Variants in SLC12A1 observed in about 807,000 individuals in gnomAD.
SLC12A1 encodes solute carrier family 12 member 1.
SLC12A1 carries 89 observed loss-of-function variants against 130.4 expected under a neutral mutation model. The ratio of observed to expected loss-of-function variants is 0.68; its 90% CI spans 0.58 to 0.81. The LOEUF is 0.81. Ranked by LOEUF, SLC12A1 falls within the 40% of genes least tolerant of loss-of-function variation. SLC12A1 has a pLI of 0.00. For synonymous variants in SLC12A1, 499 were observed against 460.0 expected (o/e 1.08, Z -1.09); for missense variants, 1,310 against 1,336.4 (o/e 0.98, Z 0.31).
chr15:48,284,696 G>A (rs2042039429), intron 20 of SLC12A1, among the ~76,000 whole-genome samples: 1 of 152,180 alleles, frequency 6.6e-6, no homozygotes, highest in Admixed American at 6.5e-5. Flanking sequence ...CTGCAGTGCA[G>A]TGGCATGATC....
intron 13 of SLC12A1, among the ~76,000 whole-genome samples, chr15:48,247,957 C>T (rs1205078229): frequency 1.3e-5 from 2 of 152,184 alleles, no homozygotes. Context: ...TCAAGAGATT[C>T]GTAGACCACT....
chr15:48,219,010 C>T (rs932814206), intron 2 of SLC12A1, among the ~76,000 whole-genome samples: 3 of 152,200 alleles, frequency 2.0e-5, no homozygotes, highest in African/African-American at 7.2e-5. Context: ...AAAATGAGGC[C>T]ACAGGAAAAA....
chr15:48,253,268 C>T (rs2041668375), intron 15 of SLC12A1, among the ~76,000 whole-genome samples: 1 of 152,208 alleles, frequency 6.6e-6, no homozygotes, highest in South Asian at 2.1e-4. Flanking sequence ...CAAACTCGTA[C>T]AGTGCTGTAA....
intron 21 of SLC12A1, among the ~76,000 whole-genome samples, chr15:48,285,795 G>A (rs1410652683): frequency 1.3e-5 from 2 of 152,332 alleles, no homozygotes; most frequent in East Asian, 1.9e-4. Context: ...CTTATGGTAT[G>A]CAGTCCTGGG....
chr15:48,251,759 G>T lies in SLC12A1; in HGVS notation c.1931G>T (p.Cys644Phe). ...TTCTTCCTTTACGTCTATGTGACTTGTAAGAAGCCAGGTAAGATAATGACT... is the reference window on the plus strand; with the variant it reads ...TTCTTCCTTTACGTCTATGTGACTTTTAAGAAGCCAGGTAAGATAATGACT... ...IEFFLYVYVTCKKPDVNWGSS... is the reference protein window; with the variant it reads ...IEFFLYVYVTFKKPDVNWGSS... The change falls in exon 15 of 27, where the codon TGT becomes TTT. Residue 644 changes from cysteine to phenylalanine, a missense_variant. Coordinates refer to ENST00000380993, the MANE Select transcript of SLC12A1 (RefSeq NM_000338.3). 1 of 1,613,794 alleles carries T rather than the reference G, an allele frequency of 6.2e-7. No homozygotes were observed. Among genetic ancestry groups the T allele is most frequent in the Non-Finnish European group, 8.5e-7 (1 of 1,179,800 alleles).
In SLC12A1 at chr15:48,241,612, T is replaced by A; in HGVS notation, c.1300+13T>A. ...GCAATTTGTGTAGGTAAGTGGTACG[T>A]CTCCAGTGTCAGAATGTCAGAATTA... On this transcript the variant is annotated intron_variant, in intron 10 of 26. Coordinates refer to ENST00000380993, the MANE Select transcript of SLC12A1 (RefSeq NM_000338.3). The A allele has an allele frequency of 6.3e-7, 1 of 1,586,040 alleles. No individual in the cohort carries two copies. The highest frequency in any genetic ancestry group is 8.7e-7 in the Non-Finnish European group (1 of 1,154,502).
At chr15:48,268,622 A>G in intron 18 of SLC12A1, among the ~76,000 whole-genome samples, 1 of 152,188 alleles carries the variant, frequency 6.6e-6, no homozygotes, top group Non-Finnish European at 1.5e-5. Flanking sequence ...CCTTAAGAAC[A>G]CTTGCGAAGT....
intron 17 of SLC12A1, among the ~76,000 whole-genome samples, chr15:48,263,201 G>A (rs1165303416): frequency 6.6e-6 from 1 of 152,104 alleles, no homozygotes; most frequent in African/African-American, 2.4e-5. Flanking sequence ...TGAATAAACA[G>A]ATATACATTT....
intron 24 of SLC12A1, among the ~76,000 whole-genome samples, chr15:48,294,038 CAA>C (rs765065568): frequency 3.2e-4 from 35 of 110,172 alleles, no homozygotes; most frequent in African/African-American, 3.1e-4. Flanking sequence ...GACCCTATCT[CAA>C]AAAAAAAAAA....
intron 24 of SLC12A1, among the ~76,000 whole-genome samples, chr15:48,298,594 A>G (rs922392633): frequency 5.9e-5 from 9 of 152,244 alleles, no homozygotes; most frequent in African/African-American, 1.9e-4. Context: ...TTGTTCTACA[A>G]TCATTAAACT....
intron 1 of SLC12A1, among the ~76,000 whole-genome samples, chr15:48,207,115 T>A (rs1346066965): frequency 6.6e-6 from 1 of 152,228 alleles, no homozygotes; most frequent in Non-Finnish European, 1.5e-5. Context: ...TCATTTTATA[T>A]GTTGTATAGT....
intron 22 of SLC12A1, 49 bp from the exon 23 acceptor site, chr15:48,288,356 C>T (rs1055376067): frequency 1.8e-6 from 2 of 1,128,248 alleles, no homozygotes; most frequent in Non-Finnish European, 2.6e-6. Context: ...CTATTCATTT[C>T]CTTCCATTTA....
At chr15:48,268,331 G>A (rs2041856073) in intron 18 of SLC12A1, among the ~76,000 whole-genome samples, 1 of 151,894 alleles carries the variant, frequency 6.6e-6, no homozygotes, top group Admixed American at 6.6e-5. Flanking sequence ...TCATAATTTA[G>A]AGTGACAAAG....
chr15:48,288,314 C>A, intron 22 of SLC12A1, 91 bp from the exon 23 acceptor site: 1 of 1,075,808 alleles, frequency 9.3e-7, no homozygotes, highest in Non-Finnish European at 1.4e-6. Flanking sequence ...TAATTAAGAG[C>A]TATCAATGTG....
At chr15:48,218,534 G>A (rs1485660347) in intron 2 of SLC12A1, among the ~76,000 whole-genome samples, 2 of 152,048 alleles carry the variant, frequency 1.3e-5, no homozygotes, top group African/African-American at 4.8e-5. Context: ...GTATGGCAAG[G>A]GCAAGAGCTT....
At chr15:48,280,077 T>C (rs1246079807) in intron 20 of SLC12A1, among the ~76,000 whole-genome samples, 4 of 152,038 alleles carry the variant, frequency 2.6e-5, no homozygotes, top group African/African-American at 9.7e-5. Flanking sequence ...TGCTCTCCCT[T>C]CTGGTGTCAG....
chr15:48,242,487 G>A (rs771467205), intron 10 of SLC12A1, among the ~76,000 whole-genome samples: 3 of 152,144 alleles, frequency 2.0e-5, no homozygotes, highest in Non-Finnish European at 4.4e-5. Context: ...TCTAATTTGA[G>A]GAAATTTGAT....
At chr15:48,264,731 G>GT (rs1290770043) in intron 17 of SLC12A1, among the ~76,000 whole-genome samples, 2 of 151,970 alleles carry the variant, frequency 1.3e-5, no homozygotes, top group African/African-American at 2.4e-5. Flanking sequence ...GACTTTCAAT[G>GT]TTAAAAAAAA....
Position 48,208,043 on chromosome 15 carries a change from C to A in SLC12A1, c.324C>A (p.Ala108=). ...LQTFGHNTMD[A]VPKIEYYRNT... ...CTTTTGGCCACAACACCATGGATGC[C>A]GTTCCCAAGATAGAGTACTATCGTA... The change falls in exon 2 of 27, where the codon GCC becomes GCA. Residue 108 remains alanine, a synonymous_variant. Transcript: ENST00000380993. 6.2e-7 allele frequency: 1 copy of A among 1,613,928 alleles called. No homozygotes were observed. The highest frequency in any genetic ancestry group is 8.5e-7 in the Non-Finnish European group (1 of 1,179,870).
Sources: allele counts gnomAD v4.1 joint callset (sites outside exome capture counted in the v4.1 genomes callset), GRCh38; gene constraint gnomAD v4.1.1; transcripts MANE v1.5; gene names NCBI Gene and HGNC (gene_info 2026-07-23, HGNC 2026-07-21).